Variants in PTPRT observed in about 807,000 individuals in gnomAD.
PTPRT encodes the protein protein tyrosine phosphatase receptor type T.
Under a neutral mutation model 176.8 loss-of-function variants are expected in PTPRT, and 56 were observed. The ratio of observed to expected loss-of-function variants is 0.32; its 90% CI spans 0.26 to 0.40. PTPRT has a LOEUF of 0.40. PTPRT is among the 10% of genes least tolerant of loss of function. The probability of loss-of-function intolerance (pLI) is 1.00; values close to 1 mark genes in which losing one functional copy is unlikely to be tolerated. For synonymous variants in PTPRT, 783 were observed against 739.0 expected, an observed-to-expected ratio of 1.06 and a Z score of -0.96; for missense variants, 1,540 against 1,908.2, an observed-to-expected ratio of 0.81 and a Z score of 3.60.
chr20:42,477,427 A>G (rs1425002558), intron 7 of PTPRT, among the ~76,000 whole-genome samples: 2 of 152,144 alleles, frequency 1.3e-5, no homozygotes, highest in African/African-American at 4.8e-5. Context: ...AATATCCTGA[A>G]ATCCTATTCA....
chr20:42,468,094 G>T (rs1471909879), intron 8 of PTPRT, among the ~76,000 whole-genome samples: 3 of 152,200 alleles, frequency 2.0e-5, no homozygotes, highest in Admixed American at 2.0e-4. Flanking sequence ...AAGCCATGGG[G>T]CTCAGCAGCC....
rs1600767461 is a variant in PTPRT at position 42,276,526 on chromosome 20, TA to T, written c.2176+5962del. ...ATATATATATATATATATATATATA[TA>T]TATATATATATATATATATATATAT... is the stretch of plus-strand genomic sequence containing the variant. On this transcript the variant is annotated intron_variant, in intron 13 of 30. Coordinates refer to ENST00000373187, the MANE Select transcript of PTPRT (RefSeq NM_007050.6). Among the ~76,000 whole-genome samples, 30 of 42,276 alleles carry T rather than the reference TA, an allele frequency of 7.1e-4. 1 individual carries two copies. The East Asian group carries it at 0.012, about 17-fold the overall frequency. 27.7% of individuals were successfully genotyped at this position (42,276 alleles called of 152,430 possible).
chr20:42,110,847 G>T (rs1261444010), intron 22 of PTPRT, among the ~76,000 whole-genome samples: 1 of 152,144 alleles, frequency 6.6e-6, no homozygotes, highest in African/African-American at 2.4e-5. Flanking sequence ...CGGATTTAAA[G>T]AAATGTTGGC....
At chr20:42,817,831 C>G (rs1272769698) in intron 2 of PTPRT, among the ~76,000 whole-genome samples, 3 of 152,138 alleles carry the variant, frequency 2.0e-5, no homozygotes, top group Non-Finnish European at 4.4e-5. Context: ...GCAGAAACTC[C>G]AATAACTCCA....
At chr20:42,136,394 G>A (rs1438541422) in intron 18 of PTPRT, among the ~76,000 whole-genome samples, 1 of 151,962 alleles carries the variant, frequency 6.6e-6, no homozygotes, top group Non-Finnish European at 1.5e-5. Context: ...AGACTGCCTG[G>A]GTACCTCACT....
intron 7 of PTPRT, among the ~76,000 whole-genome samples, chr20:42,601,515 T>C (rs1356082307): frequency 1.3e-5 from 2 of 152,214 alleles, no homozygotes; most frequent in Admixed American, 1.3e-4. Flanking sequence ...TAAATTAATC[T>C]AGTCAGATAC....
intron 12 of PTPRT, among the ~76,000 whole-genome samples, chr20:42,308,127 C>T (rs1181138002): frequency 1.3e-5 from 2 of 151,988 alleles, no homozygotes; most frequent in African/African-American, 4.8e-5. Flanking sequence ...ATGAATAATC[C>T]ACCCCTTTTT....
At chr20:43,019,686 A>C (rs1985560907) in intron 1 of PTPRT, among the ~76,000 whole-genome samples, 1 of 151,344 alleles carries the variant, frequency 6.6e-6, no homozygotes, top group Non-Finnish European at 1.5e-5. Context: ...TCCAGGAGAG[A>C]CTGATGTGTG....
At chr20:42,399,852 C>T (rs983086497) in intron 9 of PTPRT, among the ~76,000 whole-genome samples, 7 of 152,206 alleles carry the variant, frequency 4.6e-5, no homozygotes, top group African/African-American at 1.7e-4. Flanking sequence ...TCACTTTTCA[C>T]CCGGAAGAAT....
At position 43,126,924 on chromosome 20, in the gene PTPRT, A is replaced by T. The variant is rs145114632; in HGVS notation, c.88+62722T>A. ...CTTGAAGGACATCTGCCCAGAAGCA[A>T]CATCGAAACGGAATCAACTGCATTG... On this transcript the variant is annotated intron_variant, in intron 1 of 30. Transcript: ENST00000373187. Among the ~76,000 whole-genome samples the T allele has an allele frequency of 4.5e-3, 692 of 152,324 alleles. 9 individuals are homozygous for T. The highest frequency in any genetic ancestry group is 0.015 in the African/African-American group (624 of 41,570).
chr20:42,443,605 C>T (rs550182254), intron 9 of PTPRT, among the ~76,000 whole-genome samples: 1 of 152,310 alleles, frequency 6.6e-6, no homozygotes, highest in African/African-American at 2.4e-5. Flanking sequence ...CTGAGCTCCC[C>T]TTTCAGTGGG....
At chr20:42,973,489 T>C (rs1982775505) in intron 1 of PTPRT, among the ~76,000 whole-genome samples, 1 of 152,078 alleles carries the variant, frequency 6.6e-6, no homozygotes, top group Admixed American at 6.6e-5. Context: ...TATTGCTCCA[T>C]TGTTCTCCTC....
chr20:42,753,501 G>A (rs1299849888), intron 6 of PTPRT, among the ~76,000 whole-genome samples: 1 of 152,200 alleles, frequency 6.6e-6, no homozygotes, highest in African/African-American at 2.4e-5. Context: ...ATTACACCTT[G>A]ATTGACCAGA....
At chr20:42,871,319 A>T (rs1403191692) in intron 2 of PTPRT, among the ~76,000 whole-genome samples, 3 of 141,134 alleles carry the variant, frequency 2.1e-5, no homozygotes, top group African/African-American at 9.3e-5. Flanking sequence ...CCTTTTTAAA[A>T]AAAAAAAAAA....
At chr20:42,914,982 C>G (rs3091519) in intron 1 of PTPRT, among the ~76,000 whole-genome samples, 2 of 152,002 alleles carry the variant, frequency 1.3e-5, no homozygotes, top group East Asian at 1.9e-4. Context: ...TTTTCTAAAC[C>G]CTTATCCCTC....
In PTPRT at chr20:42,278,058, A is replaced by AAACATGT. The variant is rs1230029548; in HGVS notation, c.2176+4424_2176+4430dup. Among the ~76,000 whole-genome samples, 10 of 115,076 alleles carry AAACATGT rather than the reference A, an allele frequency of 8.7e-5. No homozygotes were observed. In the East Asian group the frequency reaches 1.9e-3, roughly 22 times the overall value. 75.5% of individuals were successfully genotyped at this position (115,076 alleles called of 152,430 possible). ...AGAGTCTAGCAGGGAGATAGACATTAAACATGTAAGTAGACTATATATATA... is the reference window on the plus strand; with the variant it reads ...AGAGTCTAGCAGGGAGATAGACATTAAACATGTAACATGTAAGTAGACTATATATATA... On this transcript the variant is annotated intron_variant, in intron 13 of 30. Coordinates refer to ENST00000373187, the MANE Select transcript of PTPRT (RefSeq NM_007050.6).
chr20:43,150,547 C>T (rs1033424432), intron 1 of PTPRT, among the ~76,000 whole-genome samples: 2 of 152,016 alleles, frequency 1.3e-5, no homozygotes, highest in African/African-American at 4.8e-5. Flanking sequence ...ACCTCCACCT[C>T]CCAGGTTCAA....
chr20:42,741,369 A>G (rs1049882109), intron 6 of PTPRT, among the ~76,000 whole-genome samples: 7 of 152,004 alleles, frequency 4.6e-5, no homozygotes, highest in Non-Finnish European at 1.0e-4. Flanking sequence ...TTTGAGATGG[A>G]GTCTTGCTCT....
chr20:42,667,391 G>T (rs1172833836), intron 7 of PTPRT, among the ~76,000 whole-genome samples: 1 of 152,134 alleles, frequency 6.6e-6, no homozygotes, highest in Non-Finnish European at 1.5e-5. Context: ...AACACTATAA[G>T]CCTTGCATAC....
Sources: allele counts gnomAD v4.1 joint callset (sites outside exome capture counted in the v4.1 genomes callset), GRCh38; gene constraint gnomAD v4.1.1; transcripts MANE v1.5; gene names NCBI Gene and HGNC (gene_info 2026-07-23, HGNC 2026-07-21).